CUL9: variants seen among roughly 807,000 people sequenced by gnomAD.
CUL9 encodes the protein cullin 9.
Under a neutral mutation model 272.6 loss-of-function variants are expected in CUL9, and 79 were observed. The observed-to-expected ratio is 0.29, with a 90% CI of 0.24 to 0.35. CUL9 has a LOEUF of 0.35. Among genes scored for constraint, CUL9 ranks in the 10% least tolerant of loss-of-function variants. CUL9 has a pLI of 1.00. For synonymous variants in CUL9, 1,186 were observed against 1,286.5 expected (o/e 0.92, Z 1.67); for missense variants, 2,532 against 3,255.6 (o/e 0.78, Z 5.41).
chr6:43,194,302 TTTC>T (rs1773798324), intron 9 of CUL9, among the ~76,000 whole-genome samples: 1 of 151,228 alleles, frequency 6.6e-6, no homozygotes, highest in South Asian at 2.1e-4. Flanking sequence ...TCTCTTTTTT[TTTC>T]TTTTTTCTTT....
In CUL9 at chr6:43,204,375, G is replaced by A; in HGVS notation, c.4175G>A (p.Ser1392Asn). 1 of 1,613,972 alleles carries A rather than the reference G, an allele frequency of 6.2e-7. No individual in the cohort carries two copies. The highest frequency in any genetic ancestry group is 2.2e-5 in the East Asian group (1 of 44,864). Residue 1392 changes from serine to asparagine, a missense_variant, in exon 21 of 41, where the codon AGT (serine) becomes AAT (asparagine). Physicochemically the swap from Ser to Asn is conservative, Grantham distance 46. Around this residue, in one of 3 missense-constraint regions of CUL9, gnomAD observed 2,218 missense variants for 2,788.6 expected, o/e 0.80. Transcript: ENST00000252050. ...CTTCTTTCAGATGCGGAAGGCGTGA[G>A]TGCCCTGGGATGGCTGCTGGATCAG... is the stretch of plus-strand genomic sequence containing the variant. ...NITSPDAEGVSALGWLLDQYL... is the reference protein window; with the variant it reads ...NITSPDAEGVNALGWLLDQYL...
chr6:43,188,754 T>C (rs760912226), intron 8 of CUL9, 39 bp downstream of exon 8: 114 of 1,509,862 alleles, frequency 7.6e-5, no homozygotes, highest in Non-Finnish European at 9.7e-5. Flanking sequence ...TGGTTGAAGC[T>C]GTAGGCAAAG....
intron 26 of CUL9, 195 bp from the exon 27 acceptor site, chr6:43,212,954 A>C: frequency 1.6e-6 from 1 of 610,204 alleles, no homozygotes; most frequent in Admixed American, 3.1e-5. Flanking sequence ...GGGCTCCTAG[A>C]TACCCGTGGC....
At position 43,212,387 on chromosome 6, in the gene CUL9, T is replaced by C. The variant is rs368442589; in HGVS notation, c.5213-762T>C. Among the ~76,000 whole-genome samples, 65 of 152,360 alleles carry C rather than the reference T, an allele frequency of 4.3e-4. 1 individual carries two copies. In the South Asian group the frequency reaches 7.2e-3, roughly 17 times the overall value. On this transcript the variant is annotated intron_variant, in intron 26 of 40. Transcript: ENST00000252050. ...TTCATTAGGGGTTTTGAAATAGTTA[T>C]ATCTAGTTCTGTCACTCCTTCTTCA...
intron 1 of CUL9, among the ~76,000 whole-genome samples, chr6:43,182,707 A>G (rs1246868028): frequency 1.3e-5 from 2 of 151,206 alleles, no homozygotes; most frequent in South Asian, 2.1e-4. Context: ...GTCCACATCC[A>G]TCTTTCTCCC....
intron 38 of CUL9, 82 bp downstream of exon 38, chr6:43,222,978 C>T (rs539591063): frequency 4.7e-5 from 55 of 1,179,438 alleles, no homozygotes; most frequent in South Asian, 3.5e-4. Flanking sequence ...ACAGGTCAAG[C>T]GGCACCCTTA....
Position 43,203,417 on chromosome 6 carries a change from G to A in CUL9, c.3850G>A (p.Gly1284Ser). Residue 1284 changes from glycine to serine, a missense_variant and splice_region_variant, in exon 19 of 41, where the codon GGC (glycine) becomes AGC (serine). Gly to Ser is a moderately conservative substitution (Grantham distance 56, BLOSUM62 0). This residue lies in a region of CUL9 where 2,218 missense variants were observed against 2,788.6 expected (regional missense o/e 0.80). Transcript: ENST00000252050. The surrounding 1 kb of genome is among the most constrained non-coding windows in gnomAD (Gnocchi z 5.0). ...ACAGATAAGTCTGTGCATGTTCCAG[G>A]GCGGCATTGACACCCGGGTTCGGGG... ...IQIRIKRCQQ[G>S]GIDTRVRGVE... 6.2e-7 allele frequency: 1 copy of A among 1,613,964 alleles called. No homozygotes were observed. Among genetic ancestry groups the A allele is most frequent in the African/African-American group, 1.3e-5 (1 of 75,024 alleles).
At chr6:43,219,683 A>G (rs1016901070) in intron 31 of CUL9, among the ~76,000 whole-genome samples, 2 of 152,170 alleles carry the variant, frequency 1.3e-5, no homozygotes, top group South Asian at 2.1e-4. Flanking sequence ...AGGCATGGCC[A>G]TAGGCAGTGT....
At chr6:43,185,845 A>G in intron 3 of CUL9, 110 bp from the exon 4 acceptor site, 1 of 1,406,936 alleles carries the variant, frequency 7.1e-7, no homozygotes, top group Non-Finnish European at 9.6e-7. Context: ...TCAGAACTAC[A>G]GGCCTGGGGA....
Position 43,222,453 on chromosome 6 carries a change from G to A in CUL9, c.6921+63G>A, listed in dbSNP as rs893580916. ...AGCAGGTTGGGGTGGTGGGGTGGAGGGGGGTGGGCTGAAGGTCTGACCGGG... is the reference window on the plus strand; with the variant it reads ...AGCAGGTTGGGGTGGTGGGGTGGAGAGGGGTGGGCTGAAGGTCTGACCGGG... On this transcript the variant is annotated intron_variant, in intron 36 of 40. Transcript: ENST00000252050. 2.5e-6 allele frequency: 4 copies of A among 1,585,994 alleles called. No homozygotes were observed. The African/African-American group carries it at 5.4e-5, about 21-fold the overall frequency.
chr6:43,216,844 GT>G (rs1775982770), intron 31 of CUL9, among the ~76,000 whole-genome samples: 1 of 152,208 alleles, frequency 6.6e-6, no homozygotes. Flanking sequence ...TCTACAGGAA[GT>G]TTTAAAGCCT....
chr6:43,217,883 T>C (rs1431788493), intron 31 of CUL9, among the ~76,000 whole-genome samples: 2 of 152,248 alleles, frequency 1.3e-5, no homozygotes, highest in Non-Finnish European at 2.9e-5. Flanking sequence ...GGGAGCTCAC[T>C]CTGAGCCAGG....
At position 43,218,416 on chromosome 6, in the gene CUL9, C is replaced by T. The variant is rs1292441708; in HGVS notation, c.6282+1913C>T. On this transcript the variant is annotated intron_variant, in intron 31 of 40. Coordinates refer to ENST00000252050, the MANE Select transcript of CUL9 (RefSeq NM_015089.4). The surrounding 1 kb of genome is among the most constrained non-coding windows in gnomAD (Gnocchi z 4.4). ...CATTTTTAGTAGAGACGGGGTTTCA[C>T]TGTGTTAGCCAGGATGGTCTCGATC... Among the ~76,000 whole-genome samples the T allele has an allele frequency of 4.0e-5, 6 of 151,676 alleles. No homozygotes were observed. The highest frequency in any genetic ancestry group is 8.8e-5 in the Non-Finnish European group (6 of 67,938).
rs1775644161 is a variant in CUL9 at position 43,213,021 on chromosome 6, C to G, written c.5213-128C>G. The G allele has an allele frequency of 3.9e-6, 4 of 1,035,792 alleles. No homozygotes were observed. The highest frequency in any genetic ancestry group is 2.1e-4 in the Middle Eastern group (1 of 4,710). The allele number at this position is 1,035,792 out of a possible 1,614,324, so 64.2% of individuals were successfully genotyped here. ...GATCTGGAAGCTTGACAAGGTATCT[C>G]TCTGTCTGAAAATGCTGGGGCCCTC... On this transcript the variant is annotated intron_variant, in intron 26 of 40. Transcript: ENST00000252050. This position sits in a 1 kb window ranked among gnomAD's most constrained non-coding sequence, Gnocchi z 5.7.
Position 43,188,587 on chromosome 6 carries a change from C to G in CUL9, c.2052C>G (p.Val684=), listed in dbSNP as rs141369784. ...CCCTGGATCAGCATGTGGCAGCGGT[C>G]GTGGCCACTGTGCAGATATCCAGCT... is the stretch of plus-strand genomic sequence containing the variant. ...RSSLDQHVAA[V]VATVQISSLD... The change falls in exon 8 of 41, where the codon GTC becomes GTG. Residue 684 remains valine (V), a synonymous_variant. Coordinates refer to ENST00000252050, the MANE Select transcript of CUL9 (RefSeq NM_015089.4). The G allele has an allele frequency of 6.2e-7, 1 of 1,614,154 alleles. No homozygotes were observed. The highest frequency in any genetic ancestry group is 8.5e-7 in the Non-Finnish European group (1 of 1,180,032).
chr6:43,214,215 T>C (rs561561736), intron 29 of CUL9, among the ~76,000 whole-genome samples: 1 of 151,568 alleles, frequency 6.6e-6, no homozygotes, highest in Non-Finnish European at 1.5e-5. Flanking sequence ...AGGCCAGGAG[T>C]TTGATACCAG....
chr6:43,213,088 C>T lies in CUL9; in HGVS notation c.5213-61C>T. 1.9e-6 allele frequency: 3 copies of T among 1,582,160 alleles called. No individual in the cohort carries two copies. Among genetic ancestry groups the T allele is most frequent in the Non-Finnish European group, 2.6e-6 (3 of 1,159,622 alleles). On this transcript the variant is annotated intron_variant, in intron 26 of 40. Transcript: ENST00000252050. The surrounding 1 kb of genome is among the most constrained non-coding windows in gnomAD (Gnocchi z 5.7). ...GTAGGAGCAAAGCTTGACACCTCAA[C>T]CCCTAAACCCCTTGTTTCGCCCATT...
At chr6:43,186,876 C>T in intron 4 of CUL9, 84 bp from the exon 5 acceptor site, 1 of 1,522,080 alleles carries the variant, frequency 6.6e-7, no homozygotes, top group Non-Finnish European at 8.9e-7. Flanking sequence ...TATGCTTGGG[C>T]ATGTCCTTTC....
At position 43,223,956 on chromosome 6, in the gene CUL9, T is replaced by G. The variant is rs191892303; in HGVS notation, c.7285-139T>G. Reference sequence around the variant, plus strand: ...TCTGTGGGTGAACTCACAAAGGCAGTGTTTCATGAAGTGCTGTGCTGGGAG... The same window carrying G: ...TCTGTGGGTGAACTCACAAAGGCAGGGTTTCATGAAGTGCTGTGCTGGGAG... On this transcript the variant is annotated intron_variant, in intron 39 of 40. Coordinates refer to ENST00000252050, the MANE Select transcript of CUL9 (RefSeq NM_015089.4). The surrounding 1 kb of genome is among the most constrained non-coding windows in gnomAD (Gnocchi z 4.1). 2,164 of 795,948 alleles carry G rather than the reference T, an allele frequency of 2.7e-3. 10 individuals are homozygous for G. The highest frequency in any genetic ancestry group is 3.1e-3 in the Non-Finnish European group (1,423 of 457,954). The allele number at this position is 795,948 out of a possible 1,614,324, so 49.3% of individuals were successfully genotyped here.
Sources: gnomAD v4.1 joint callset for allele counts (sites outside exome capture counted in the v4.1 genomes callset) on GRCh38, gnomAD v4.1.1 for gene constraint, gnomAD v4.1.1 regional missense constraint, Gnocchi (gnomAD v3.1) non-coding constraint, MANE v1.5 for transcripts, NCBI Gene and HGNC (gene_info 2026-07-23, HGNC 2026-07-21) for gene names.